The following RGS12 variants were observed in gnomAD, a reference collection of about 807,000 sequenced individuals.
RGS12 encodes regulator of G protein signaling 12.
In RGS12, 66 loss-of-function variants were observed where a neutral mutation model predicts 120.1. The observed-to-expected ratio is 0.55, with a 90% CI of 0.45 to 0.67. RGS12 has a LOEUF of 0.67. Among genes scored for constraint, RGS12 ranks in the 30% least tolerant of loss-of-function variants. The pLI, the probability that RGS12 is intolerant of heterozygous loss-of-function variation, is 0.00. For missense variants in RGS12, 1,859 were observed against 1,957.7 expected (o/e 0.95, Z 0.95); for synonymous variants, 827 against 804.7 (o/e 1.03, Z -0.47).
At chr4:3,417,606 G>A (rs534399873) in intron 9 of RGS12, 65 bp downstream of exon 9, 106 of 1,563,230 alleles carry the variant, frequency 6.8e-5, no homozygotes, top group South Asian at 5.8e-4. Flanking sequence ...TCCTGGCGTC[G>A]CTCTGGTGGT....
chr4:3,421,468 C>G (rs946908776), intron 10 of RGS12, among the ~76,000 whole-genome samples: 16 of 152,236 alleles, frequency 1.1e-4, no homozygotes, highest in African/African-American at 3.1e-4. Flanking sequence ...AGGCTGGAAA[C>G]AATTACTGTT....
At chr4:3,294,955 C>G (rs750344783) in intron 1 of RGS12, among the ~76,000 whole-genome samples, 16 of 152,206 alleles carry the variant, frequency 1.1e-4, no homozygotes, top group Non-Finnish European at 2.1e-4. Flanking sequence ...GTGGCGCGGC[C>G]TGAGGGCATG....
At chr4:3,407,681 G>C (rs1721300667) in intron 4 of RGS12, 1 of 152,294 alleles carries the variant, frequency 6.6e-6, no homozygotes, top group Admixed American at 6.5e-5. Flanking sequence ...CGGGGATGAG[G>C]GGCCCATAGG....
chr4:3,326,429 G>A (rs909656008), intron 2 of RGS12, among the ~76,000 whole-genome samples: 2 of 152,100 alleles, frequency 1.3e-5, no homozygotes, highest in African/African-American at 4.8e-5. Flanking sequence ...AAATTTTTTT[G>A]TAGAGGTGGA....
In RGS12 at chr4:3,318,060, G is replaced by C. The variant is rs762585915; in HGVS notation, c.1881+9G>C. ...CTAAGGAAGATAAAAAGGTAAGCCTGCCAGGAGCCACTCAGCGCGGAGGCC... is the reference window on the plus strand; with the variant it reads ...CTAAGGAAGATAAAAAGGTAAGCCTCCCAGGAGCCACTCAGCGCGGAGGCC... On this transcript the variant is annotated intron_variant, in intron 2 of 17. Transcript: ENST00000336727. 2 of 1,517,376 alleles carry C rather than the reference G, an allele frequency of 1.3e-6. No individual in the cohort carries two copies. Among genetic ancestry groups the C allele is most frequent in the Non-Finnish European group, 1.8e-6 (2 of 1,113,430 alleles). The allele number at this position is 1,517,376 out of a possible 1,614,324, so 94.0% of individuals were successfully genotyped here.
At position 3,378,995 on chromosome 4, in the gene RGS12, G is replaced by A. The variant is rs1033509278; in HGVS notation, c.1999-7421G>A. ...AGATATGAAAACCTAAGGGATAAAG[G>A]AAATGTGCGATGTGTGTGTGTGTGT... On this transcript the variant is annotated intron_variant, in intron 3 of 17. Transcript: ENST00000336727. Among the ~76,000 whole-genome samples, 69 of 144,846 alleles carry A rather than the reference G, an allele frequency of 4.8e-4. 1 individual carries two copies. Among genetic ancestry groups the A allele is most frequent in the Admixed American group, 2.9e-4 (4 of 13,926 alleles).
At chr4:3,386,229 T>C in intron 3 of RGS12, 187 bp from the exon 4 acceptor site, 1 of 625,756 alleles carries the variant, frequency 1.6e-6, no homozygotes, top group South Asian at 2.0e-5. Flanking sequence ...TCACCTAGTT[T>C]GGGCGGAGTG....
At position 3,316,507 on chromosome 4, in the gene RGS12, C is replaced by G; in HGVS notation, c.337C>G (p.Leu113Val). 1 of 1,614,074 alleles carries G rather than the reference C, an allele frequency of 6.2e-7. No individual in the cohort carries two copies. The highest frequency in any genetic ancestry group is 8.5e-7 in the Non-Finnish European group (1 of 1,180,022). ...CTGTTCCAGTGATGAAGAAGGGGGA[C>G]TCTATGAAGGAAAAGGCTGGCTGAA... Reference protein sequence around the residue: ...ESCSSDEEGGLYEGKGWLKPK... With the variant: ...ESCSSDEEGGVYEGKGWLKPK... Residue 113 changes from leucine to valine, a missense_variant, in exon 2 of 18, where the codon CTC (leucine) becomes GTC (valine). By Grantham distance (32) the Leu-to-Val change is conservative. This residue lies in a region of RGS12 where 967 missense variants were observed against 994.2 expected (regional missense o/e 0.97). Transcript: ENST00000336727.
At chr4:3,328,842 A>G (rs1299783543) in intron 2 of RGS12, among the ~76,000 whole-genome samples, 3 of 152,246 alleles carry the variant, frequency 2.0e-5, no homozygotes, top group Non-Finnish European at 1.5e-5. Context: ...TCTTCAAACT[A>G]CATGCGACTG....
In RGS12 at chr4:3,317,403, T is replaced by C. The variant is rs777899956; in HGVS notation, c.1233T>C (p.Asp411=). Residue 411 remains aspartate (D), a synonymous_variant, in exon 2 of 18, where the codon GAT becomes GAC. Coordinates refer to ENST00000336727, the MANE Select transcript of RGS12 (RefSeq NM_001394154.1). ...RARAFLDGDA[D]AHQNNSTSSN... ...GCGCCTTTCTGGACGGGGACGCCGA[T>C]GCCCACCAGAACAACAGCACCAGCA... The C allele has an allele frequency of 6.2e-7, 1 of 1,614,000 alleles. No homozygotes were observed. The highest frequency in any genetic ancestry group is 2.2e-5 in the East Asian group (1 of 44,868).
At chr4:3,332,094 T>C (rs116348075) in intron 2 of RGS12, among the ~76,000 whole-genome samples, 2,860 of 152,238 alleles carry the variant, frequency 0.019, 70 homozygotes, top group African/African-American at 0.061. Flanking sequence ...CTAGGACAGA[T>C]GGCTTGGGGG....
Position 3,398,402 on chromosome 4 carries a change from G to A in RGS12, c.2020+11965G>A, listed in dbSNP as rs527767665. On this transcript the variant is annotated intron_variant, in intron 4 of 17. Coordinates refer to ENST00000336727, the MANE Select transcript of RGS12 (RefSeq NM_001394154.1). ...TATAGGGAATGCTTGGGAAGCTGAGGCAGGAGGCTCACTTGAGGCCAAAAG... is the reference window on the plus strand; with the variant it reads ...TATAGGGAATGCTTGGGAAGCTGAGACAGGAGGCTCACTTGAGGCCAAAAG... 4.4e-4 allele frequency among the ~76,000 whole-genome samples: 67 copies of A among 152,300 alleles called. 1 individual carries two copies. The highest frequency in any genetic ancestry group is 1.5e-3 in the African/African-American group (61 of 41,564).
chr4:3,288,647 A>G (rs1722952263), upstream of RGS12, among the ~76,000 whole-genome samples: 1 of 152,176 alleles, frequency 6.6e-6, no homozygotes, highest in Admixed American at 6.5e-5. This position sits in a 1 kb window ranked among gnomAD's most constrained non-coding sequence, Gnocchi z 5.2. Context: ...TCCGGGACGT[A>G]TGGACCCTGG....
intron 9 of RGS12, 21 bp from the exon 10 acceptor site, chr4:3,420,621 C>T (rs372847504): frequency 1.2e-6 from 2 of 1,611,544 alleles, no homozygotes; most frequent in Non-Finnish European, 1.7e-6. Flanking sequence ...TGACGTGAGT[C>T]ACTGTGTTTC....
chr4:3,425,641 G>A, intron 14 of RGS12, 81 bp downstream of exon 14: 1 of 940,354 alleles, frequency 1.1e-6, no homozygotes, highest in Non-Finnish European at 1.6e-6. Flanking sequence ...CGGTGCAGGG[G>A]AGGGGGTGAG....
upstream of RGS12, among the ~76,000 whole-genome samples, chr4:3,290,867 T>C (rs769783704): frequency 1.3e-5 from 2 of 152,238 alleles, no homozygotes. Context: ...TTTGCTTAAT[T>C]GGCAAGACCT....
intron 17 of RGS12, among the ~76,000 whole-genome samples, chr4:3,438,350 G>A (rs972090936): frequency 6.7e-6 from 1 of 149,374 alleles, no homozygotes; most frequent in African/African-American, 2.6e-5. Context: ...GGTCGGCAAC[G>A]TCACCCCCAC....
intron 17 of RGS12, chr4:3,431,824 G>A: frequency 5.1e-6 from 5 of 985,690 alleles, no homozygotes; most frequent in Non-Finnish European, 6.0e-6. Context: ...TCCGTCCTGT[G>A]CCCTGGTCCA....
intron 3 of RGS12, among the ~76,000 whole-genome samples, chr4:3,356,266 G>T (rs1488996249): frequency 1.3e-5 from 2 of 151,966 alleles, no homozygotes; most frequent in African/African-American, 2.4e-5. Flanking sequence ...TCTTGTCCAG[G>T]ATGGTCTCAA....
Sources: gnomAD v4.1 joint callset for allele counts (sites outside exome capture counted in the v4.1 genomes callset) on GRCh38, gnomAD v4.1.1 for gene constraint, gnomAD v4.1.1 regional missense constraint, Gnocchi (gnomAD v3.1) non-coding constraint, MANE v1.5 for transcripts, NCBI Gene and HGNC (gene_info 2026-07-23, HGNC 2026-07-21) for gene names.